Variants in SV2C observed in about 807,000 individuals in gnomAD.
SV2C encodes the protein solute carrier family 22 member B3.
Under a neutral mutation model 79.7 loss-of-function variants are expected in SV2C, and 49 were observed. The observed-to-expected ratio is 0.61, with a 90% CI of 0.49 to 0.78. The LOEUF is 0.78. Ranked by LOEUF, SV2C falls within the 30% of genes least tolerant of loss-of-function variation. SV2C has a pLI of 0.00. For missense variants in SV2C, 833 were observed against 912.9 expected (o/e 0.91, Z 1.13); for synonymous variants, 334 against 333.2 (o/e 1.00, Z -0.03).
At chr5:76,312,359 T>C (rs1392323344) in intron 12 of SV2C, among the ~76,000 whole-genome samples, 6 of 151,946 alleles carry the variant, frequency 3.9e-5, no homozygotes, top group African/African-American at 1.5e-4. Context: ...TTCAAGCAAT[T>C]CTCCTGCCTC....
intron 4 of SV2C, among the ~76,000 whole-genome samples, chr5:76,243,078 G>T (rs1745842458): frequency 6.8e-6 from 1 of 148,010 alleles, no homozygotes; most frequent in African/African-American, 2.5e-5. Flanking sequence ...GAAGATAGTG[G>T]CATCTACTTG....
chr5:76,348,656 T>G (rs1037640157), intron 12 of SV2C, among the ~76,000 whole-genome samples: 7 of 152,196 alleles, frequency 4.6e-5, no homozygotes, highest in African/African-American at 1.7e-4. Flanking sequence ...ATGAGTAATG[T>G]GACTCTATAT....
chr5:76,037,913 C>T, the SV2C span, among the ~76,000 whole-genome samples: 1 of 152,228 alleles, frequency 6.6e-6, no homozygotes, highest in Non-Finnish European at 1.5e-5. Context: ...GCATAGGACC[C>T]TCCAAGCCAG....
chr5:76,141,172 A>G (rs1382716063), intron 2 of SV2C, among the ~76,000 whole-genome samples: 5 of 152,220 alleles, frequency 3.3e-5, no homozygotes, highest in Non-Finnish European at 7.3e-5. Flanking sequence ...TCACTTTCAC[A>G]GGACAGGAAA....
intron 2 of SV2C, among the ~76,000 whole-genome samples, chr5:76,165,757 G>C (rs1743026669): frequency 6.6e-6 from 1 of 152,090 alleles, no homozygotes; most frequent in African/African-American, 2.4e-5. Context: ...TTTGTTGTTA[G>C]GTTAAGACCA....
chr5:75,854,054 G>A, the SV2C span, among the ~76,000 whole-genome samples: 7 of 147,884 alleles, frequency 4.7e-5, no homozygotes, highest in East Asian at 2.0e-4. Flanking sequence ...CCAACCTTAC[G>A]ACTGTAGATC....
At chr5:76,070,955 C>A in the SV2C span, among the ~76,000 whole-genome samples, 2 of 152,196 alleles carry the variant, frequency 1.3e-5, no homozygotes, top group South Asian at 2.1e-4. Context: ...GCAGGAGTTG[C>A]ACAGCCTTAA....
At chr5:76,303,663 T>C (rs1198998741) in intron 12 of SV2C, among the ~76,000 whole-genome samples, 4 of 152,094 alleles carry the variant, frequency 2.6e-5, no homozygotes, top group Non-Finnish European at 5.9e-5. Flanking sequence ...CCCTCATAAA[T>C]TGAAATTGGT....
the SV2C span, among the ~76,000 whole-genome samples, chr5:75,869,816 G>T: frequency 6.6e-6 from 1 of 152,224 alleles, no homozygotes; most frequent in Admixed American, 6.5e-5. Flanking sequence ...CAGAGAGAGA[G>T]ATTCCGTTTG....
the SV2C span, among the ~76,000 whole-genome samples, chr5:75,926,890 A>G: frequency 7.2e-5 from 11 of 152,228 alleles, no homozygotes; most frequent in Non-Finnish European, 1.6e-4. Flanking sequence ...AGAGGTATCA[A>G]TTTCCTCTGG....
At chr5:76,347,643 T>C (rs761433682) in intron 12 of SV2C, among the ~76,000 whole-genome samples, 7 of 152,184 alleles carry the variant, frequency 4.6e-5, no homozygotes, top group Non-Finnish European at 7.3e-5. Flanking sequence ...GATTTCACCA[T>C]GTTGGCTAGT....
At chr5:75,975,740 G>C in the SV2C span, among the ~76,000 whole-genome samples, 1 of 152,272 alleles carries the variant, frequency 6.6e-6, no homozygotes, top group South Asian at 2.1e-4. Flanking sequence ...TTGTAAAATA[G>C]AGATGGGATT....
chr5:75,871,006 C>G, the SV2C span, among the ~76,000 whole-genome samples: 1 of 152,106 alleles, frequency 6.6e-6, no homozygotes, highest in Non-Finnish European at 1.5e-5. Flanking sequence ...GTAAAATATT[C>G]AGTAAACTGT....
intron 1 of SV2C, among the ~76,000 whole-genome samples, chr5:76,090,585 A>G (rs1747342284): frequency 6.6e-6 from 1 of 152,094 alleles, no homozygotes; most frequent in African/African-American, 2.4e-5. Flanking sequence ...TTTAAAGACT[A>G]TATCCTTAGG....
intron 1 of SV2C, among the ~76,000 whole-genome samples, chr5:76,113,174 A>G (rs1198851761): frequency 6.6e-6 from 1 of 152,196 alleles, no homozygotes; most frequent in African/African-American, 2.4e-5. Flanking sequence ...ATCAGTGAAT[A>G]CCTCTACTTG....
the SV2C span, chr5:76,075,572 A>G: frequency 2.2e-4 from 40 of 179,128 alleles, no homozygotes; most frequent in African/African-American, 9.5e-4. Flanking sequence ...AAATTAACAA[A>G]GATCTGGAGA....
At chr5:76,314,355 A>G (rs1018918218) in intron 12 of SV2C, among the ~76,000 whole-genome samples, 13 of 151,674 alleles carry the variant, frequency 8.6e-5, no homozygotes, top group Admixed American at 3.9e-4. Flanking sequence ...ACAGCCTGAG[A>G]CCTCCTGATC....
At chr5:76,140,934 A>G (rs1373325821) in intron 2 of SV2C, among the ~76,000 whole-genome samples, 2 of 152,232 alleles carry the variant, frequency 1.3e-5, no homozygotes, top group East Asian at 1.9e-4. Flanking sequence ...TTGGAGTTAA[A>G]AAGTTATTGG....
the SV2C span, among the ~76,000 whole-genome samples, chr5:76,028,685 A>G: frequency 6.6e-6 from 1 of 152,328 alleles, no homozygotes; most frequent in East Asian, 1.9e-4. Context: ...ATGAATCAGT[A>G]CAGTGCCAAT....
Sources: gnomAD v4.1 joint callset for allele counts (sites outside exome capture counted in the v4.1 genomes callset) on GRCh38, gnomAD v4.1.1 for gene constraint, MANE v1.5 for transcripts, NCBI Gene and HGNC (gene_info 2026-07-23, HGNC 2026-07-21) for gene names.